The following GABRB3 variants were observed in gnomAD, a reference collection of about 807,000 sequenced individuals.
GABRB3 encodes gamma-aminobutyric acid receptor subunit beta-3.
In GABRB3, 14 loss-of-function variants were observed where a neutral mutation model predicts 52.1. The ratio of observed to expected loss-of-function variants is 0.27; its 90% CI spans 0.18 to 0.42. The LOEUF is 0.42. GABRB3 is among the 10% of genes least tolerant of loss of function. The pLI, the probability that GABRB3 is intolerant of heterozygous loss-of-function variation, is 1.00. For missense variants in GABRB3, 307 were observed against 609.1 expected (o/e 0.50, Z 5.22); for synonymous variants, 260 against 232.3 (o/e 1.12, Z -1.08).
intron 3 of GABRB3, among the ~76,000 whole-genome samples, chr15:26,703,047 C>A (rs886987048): frequency 6.6e-6 from 1 of 152,176 alleles, no homozygotes; most frequent in Non-Finnish European, 1.5e-5. Context: ...TCTCCAGTCT[C>A]TTCCATAAGG....
chr15:26,671,632 A>G (rs927559592), intron 3 of GABRB3, among the ~76,000 whole-genome samples: 2 of 152,180 alleles, frequency 1.3e-5, no homozygotes, highest in Admixed American at 1.3e-4. Context: ...AAGAATTATA[A>G]ATTTCTTATT....
At chr15:26,753,199 C>T (rs79540031) in intron 3 of GABRB3, among the ~76,000 whole-genome samples, 5,537 of 152,162 alleles carry the variant, frequency 0.036, 103 homozygotes, top group Middle Eastern at 0.078. Context: ...CTTAGTGTCC[C>T]GTCACCGCAG....
intron 3 of GABRB3, among the ~76,000 whole-genome samples, chr15:26,700,393 T>C (rs1469586295): frequency 6.6e-6 from 1 of 151,718 alleles, no homozygotes. Flanking sequence ...CTACCAAGCA[T>C]ATAAGGAAGA....
chr15:26,655,091 T>C (rs1445334006), intron 3 of GABRB3, among the ~76,000 whole-genome samples: 1 of 152,184 alleles, frequency 6.6e-6, no homozygotes, highest in African/African-American at 2.4e-5. Flanking sequence ...ACCCTCACTA[T>C]CTTGAGATAA....
intron 7 of GABRB3, among the ~76,000 whole-genome samples, chr15:26,566,492 G>A (rs982517633): frequency 1.3e-5 from 2 of 152,172 alleles, no homozygotes; most frequent in Non-Finnish European, 2.9e-5. Context: ...CTGGGAGGCT[G>A]AGGTGGGCAG....
In GABRB3 at chr15:26,554,207, A is replaced by ATATATATATATATATATT. The variant is rs1348288306; in HGVS notation, c.1081-6074_1081-6073insAATATATATATATATATA. The stretch of plus-strand genomic sequence containing the variant: ...ATATATATACTATATATATATATAT[A>ATATATATATATATATATT]TAGTAGAAACAAGGTCTCTCTTTGT... On this transcript the variant is annotated intron_variant, in intron 8 of 8. Transcript: ENST00000311550. Among the ~76,000 whole-genome samples, 63 of 57,822 alleles carry ATATATATATATATATATT rather than the reference A, an allele frequency of 1.1e-3. 5 individuals are homozygous for ATATATATATATATATATT. Among genetic ancestry groups the ATATATATATATATATATT allele is most frequent in the South Asian group, 1.9e-3 (3 of 1,610 alleles). The allele number at this position is 57,822 out of a possible 152,430, so 37.9% of individuals were successfully genotyped here.
At chr15:26,563,844 C>G (rs1017831722) in intron 7 of GABRB3, among the ~76,000 whole-genome samples, 1 of 151,328 alleles carries the variant, frequency 6.6e-6, no homozygotes, top group African/African-American at 2.5e-5. Context: ...TTGCTAGCCT[C>G]AACTTATTTG....
chr15:26,622,470 AAGCTGAAAACATCAAAGGTTAGG>A (rs1892521711), intron 3 of GABRB3, among the ~76,000 whole-genome samples: 2 of 152,228 alleles, frequency 1.3e-5, no homozygotes, highest in Admixed American at 1.3e-4. Flanking sequence ...GGAAAGATAC[AAGCTGAAAACATCAAAGGTTAGG>A]AGGTAAATTA....
chr15:26,768,823 C>T (rs771599328), intron 3 of GABRB3, among the ~76,000 whole-genome samples: 23 of 151,682 alleles, frequency 1.5e-4, no homozygotes, highest in Non-Finnish European at 2.9e-4. Context: ...AAAGAATGTA[C>T]GAAAAGAAAC....
At chr15:26,757,520 T>C (rs532113193) in intron 3 of GABRB3, among the ~76,000 whole-genome samples, 5 of 152,278 alleles carry the variant, frequency 3.3e-5, no homozygotes, top group African/African-American at 1.2e-4. Context: ...TCCCAAACTA[T>C]CATCACTTGG....
chr15:26,715,200 G>GCCTTGGAAC (rs753904545), intron 3 of GABRB3, among the ~76,000 whole-genome samples: 1 of 152,144 alleles, frequency 6.6e-6, no homozygotes, highest in Non-Finnish European at 1.5e-5. Flanking sequence ...AACCATCCCA[G>GCCTTGGAAC]CCTTGGAACG....
intron 5 of GABRB3, 43 bp from the exon 6 acceptor site, chr15:26,580,499 G>T: frequency 6.2e-7 from 1 of 1,612,494 alleles, no homozygotes; most frequent in Non-Finnish European, 8.5e-7. Context: ...TCACCATTTC[G>T]TATAAATGCA....
At chr15:26,663,526 C>T (rs2140616177) in intron 3 of GABRB3, among the ~76,000 whole-genome samples, 1 of 152,284 alleles carries the variant, frequency 6.6e-6, no homozygotes, top group East Asian at 1.9e-4. Context: ...GTCATGCCTG[C>T]TTTTTTAAAA....
chr15:26,558,867 T>G (rs989911718), intron 8 of GABRB3, among the ~76,000 whole-genome samples: 2 of 150,450 alleles, frequency 1.3e-5, no homozygotes, highest in Non-Finnish European at 2.9e-5. Context: ...AAGAAAGAAA[T>G]ACCTGAGACT....
intron 4 of GABRB3, among the ~76,000 whole-genome samples, chr15:26,619,604 C>T (rs1381637177): frequency 6.6e-6 from 1 of 151,172 alleles, no homozygotes; most frequent in Non-Finnish European, 1.5e-5. Flanking sequence ...ACTAGCATGG[C>T]ACATGTATAC....
intron 3 of GABRB3, among the ~76,000 whole-genome samples, chr15:26,749,309 T>C (rs7165604): frequency 0.13 from 20,259 of 152,092 alleles, 1,974 homozygotes; most frequent in East Asian, 0.29. Flanking sequence ...ACTGTTTAAC[T>C]TCCAAGTGTT....
intron 3 of GABRB3, chr15:26,767,358 C>G (rs1016673053): frequency 2.6e-5 from 4 of 152,224 alleles, no homozygotes; most frequent in African/African-American, 9.7e-5. Flanking sequence ...TATGCAAACT[C>G]TGAATATGGC....
chr15:26,768,102 T>C (rs1891046040), intron 3 of GABRB3, among the ~76,000 whole-genome samples: 1 of 152,170 alleles, frequency 6.6e-6, no homozygotes, highest in African/African-American at 2.4e-5. Flanking sequence ...GTATGTCTCA[T>C]GATAACTAAA....
At chr15:26,614,662 T>C (rs969130975) in intron 4 of GABRB3, 3 of 152,186 alleles carry the variant, frequency 2.0e-5, no homozygotes, top group Non-Finnish European at 4.4e-5. Flanking sequence ...TTGATATCTT[T>C]TCTGAGGAGA....
Sources: gnomAD v4.1 joint callset for allele counts (sites outside exome capture counted in the v4.1 genomes callset) on GRCh38, gnomAD v4.1.1 for gene constraint, MANE v1.5 for transcripts, NCBI Gene and HGNC (gene_info 2026-07-23, HGNC 2026-07-21) for gene names.